The following WDPCP variants were observed in gnomAD, a reference collection of about 807,000 sequenced individuals.
WDPCP encodes the protein WD repeat-containing and planar cell polarity effector protein fritz homolog.
A neutral mutation model predicts 93.1 loss-of-function variants in WDPCP; 71 were observed. The ratio of observed to expected loss-of-function variants is 0.76; its 90% CI spans 0.63 to 0.93. WDPCP has a LOEUF of 0.93. Ranked by LOEUF, WDPCP falls within the 40% of genes least tolerant of loss-of-function variation. The pLI, the probability that WDPCP is intolerant of heterozygous loss-of-function variation, is 0.00. For synonymous variants in WDPCP, 315 were observed against 315.0 expected (o/e 1.00, Z 0.00); for missense variants, 844 against 887.4 (o/e 0.95, Z 0.62).
intron 1 of WDPCP, among the ~76,000 whole-genome samples, chr2:63,519,481 G>C (rs1461919024): frequency 6.6e-6 from 1 of 152,188 alleles, no homozygotes; most frequent in Non-Finnish European, 1.5e-5. Flanking sequence ...TGCCCAAAGA[G>C]CTTTGGCTGG....
intron 1 of WDPCP, among the ~76,000 whole-genome samples, chr2:63,494,717 G>C (rs1051481897): frequency 7.2e-5 from 11 of 151,980 alleles, no homozygotes; most frequent in Admixed American, 2.0e-4. Context: ...TCAGGAGATC[G>C]AGACCATCCT....
At chr2:63,530,140 C>CA (rs1450985297) in intron 1 of WDPCP, among the ~76,000 whole-genome samples, 3 of 152,004 alleles carry the variant, frequency 2.0e-5, no homozygotes, top group African/African-American at 7.2e-5. Context: ...TTGATCTTTT[C>CA]AAAAAACCAG....
chr2:63,409,684 A>G (rs1391900719), intron 9 of WDPCP, among the ~76,000 whole-genome samples: 2 of 152,222 alleles, frequency 1.3e-5, no homozygotes, highest in Non-Finnish European at 1.5e-5. Flanking sequence ...TCAAGGAAAT[A>G]GAGAGCTTAA....
At chr2:63,488,315 T>C (rs182614354) in intron 2 of WDPCP, among the ~76,000 whole-genome samples, 20 of 152,206 alleles carry the variant, frequency 1.3e-4, no homozygotes, top group Admixed American at 5.9e-4. Context: ...TGCCCCCTAG[T>C]GACTGACTGC....
At chr2:63,377,245 TTC>T (rs1261799867) in intron 12 of WDPCP, among the ~76,000 whole-genome samples, 3 of 151,660 alleles carry the variant, frequency 2.0e-5, no homozygotes, top group Non-Finnish European at 3.0e-5. Context: ...TAACAGGAGT[TTC>T]TGAGAAAAAA....
intron 2 of WDPCP, among the ~76,000 whole-genome samples, chr2:63,673,659 A>T (rs1262395893): frequency 6.6e-6 from 1 of 152,198 alleles, no homozygotes; most frequent in Non-Finnish European, 1.5e-5. Flanking sequence ...ATAACAGCAT[A>T]TCAAAAACCC....
chr2:63,782,478 T>C (rs1235689328), intron 2 of WDPCP, among the ~76,000 whole-genome samples: 1 of 151,964 alleles, frequency 6.6e-6, no homozygotes, highest in Admixed American at 6.6e-5. Context: ...ACAACTCAAC[T>C]AAAAACTGGG....
chr2:63,559,302 C>T (rs967253771), intron 1 of WDPCP, among the ~76,000 whole-genome samples: 7 of 152,070 alleles, frequency 4.6e-5, no homozygotes, highest in Admixed American at 3.3e-4. Context: ...TTATGACAAC[C>T]CACAGCCAAT....
At chr2:63,759,155 T>A (rs998299513) in intron 2 of WDPCP, among the ~76,000 whole-genome samples, 4 of 151,530 alleles carry the variant, frequency 2.6e-5, no homozygotes, top group Non-Finnish European at 5.9e-5. Flanking sequence ...AGGGGTGGAG[T>A]TACCATGAAG....
At chr2:63,711,049 AGAAC>A (rs1558891314) in intron 2 of WDPCP, among the ~76,000 whole-genome samples, 2 of 152,226 alleles carry the variant, frequency 1.3e-5, no homozygotes, top group African/African-American at 2.4e-5. Flanking sequence ...CGCCAGGTAA[AGAAC>A]CCCTAGGCCC....
chr2:63,262,635 C>T (rs1025032583), intron 13 of WDPCP, among the ~76,000 whole-genome samples: 7 of 151,016 alleles, frequency 4.6e-5, no homozygotes, highest in East Asian at 3.9e-4. Context: ...TATGTTTAGA[C>T]GTAAGTGTGG....
chr2:63,141,959 T>G (rs1448439503), intron 17 of WDPCP, among the ~76,000 whole-genome samples: 1 of 152,182 alleles, frequency 6.6e-6, no homozygotes, highest in Non-Finnish European at 1.5e-5. Flanking sequence ...TCTTTTGTAT[T>G]TCAGTGGTGT....
chr2:63,208,413 T>C (rs114143806), intron 14 of WDPCP, among the ~76,000 whole-genome samples: 3,119 of 151,488 alleles, frequency 0.021, 115 homozygotes, highest in African/African-American at 0.073. Flanking sequence ...AATATGGTCT[T>C]CTATTTTACC....
At chr2:63,813,861 AAT>A (rs1469971459) in intron 1 of WDPCP, among the ~76,000 whole-genome samples, 5 of 152,242 alleles carry the variant, frequency 3.3e-5, no homozygotes, top group African/African-American at 9.6e-5. Flanking sequence ...GATAAATATT[AAT>A]ATGTTTGATA....
chr2:63,638,809 A>C (rs1248882902), intron 3 of WDPCP, among the ~76,000 whole-genome samples: 1 of 148,844 alleles, frequency 6.7e-6, no homozygotes, highest in Non-Finnish European at 1.5e-5. Flanking sequence ...AAAAAAAAAA[A>C]GGAAAAAATC....
intron 1 of WDPCP, among the ~76,000 whole-genome samples, chr2:63,540,731 T>C (rs1441904934): frequency 6.6e-6 from 1 of 152,152 alleles, no homozygotes; most frequent in Non-Finnish European, 1.5e-5. Context: ...TGGATCCATT[T>C]TGATATAGTG....
At chr2:63,769,507 T>C (rs1427803456) in intron 2 of WDPCP, among the ~76,000 whole-genome samples, 1 of 151,992 alleles carries the variant, frequency 6.6e-6, no homozygotes, top group African/African-American at 2.4e-5. Flanking sequence ...AAATGGACCA[T>C]ATTCTGGACC....
At chr2:63,620,405 C>T (rs955850561) in intron 3 of WDPCP, among the ~76,000 whole-genome samples, 6 of 152,214 alleles carry the variant, frequency 3.9e-5, no homozygotes, top group Admixed American at 1.3e-4. Flanking sequence ...CAAAGCCTTT[C>T]GGAAGTTCGA....
chr2:63,378,174 T>C (rs2104855095), intron 12 of WDPCP: 1 of 612,984 alleles, frequency 1.6e-6, no homozygotes, highest in Non-Finnish European at 2.8e-6. Flanking sequence ...TTAAAAAGTA[T>C]TGGTTATATA....
Sources: allele counts gnomAD v4.1 joint callset (sites outside exome capture counted in the v4.1 genomes callset), GRCh38; gene constraint gnomAD v4.1.1; transcripts MANE v1.5; gene names NCBI Gene and HGNC (gene_info 2026-07-23, HGNC 2026-07-21).